Variants in CREBBP observed in about 807,000 individuals in gnomAD.
The protein encoded by CREBBP is CREB binding lysine acetyltransferase.
CREBBP carries 19 observed loss-of-function variants against 265.0 expected under a neutral mutation model. That is an observed-to-expected ratio of 0.07 (90% CI 0.05 to 0.11). CREBBP has a LOEUF of 0.11. Among genes scored for constraint, CREBBP ranks in the 10% least tolerant of loss-of-function variants. CREBBP has a pLI of 1.00. For synonymous variants in CREBBP, 1,457 were observed against 1,223.7 expected (o/e 1.19, Z -3.98); for missense variants, 2,525 against 3,219.0 (o/e 0.78, Z 5.22).
At chr16:3,758,412 A>T (rs2052636104) in intron 17 of CREBBP, among the ~76,000 whole-genome samples, 1 of 152,226 alleles carries the variant, frequency 6.6e-6, no homozygotes, top group South Asian at 2.1e-4. Context: ...TCTTGATCCT[A>T]GCAAGCAAAA....
chr16:3,810,541 A>G (rs2053917455), intron 3 of CREBBP, 62 bp downstream of exon 3: 1 of 1,587,732 alleles, frequency 6.3e-7, no homozygotes, highest in African/African-American at 1.3e-5. Context: ...GAGAATGGTA[A>G]AAATCCACAG....
Position 3,766,024 on chromosome 16 carries a change from A to C in CREBBP, c.3250+1696T>G, listed in dbSNP as rs555185276. 3.9e-5 allele frequency among the ~76,000 whole-genome samples: 6 copies of C among 152,272 alleles called. No homozygotes were observed. In the South Asian group the frequency reaches 1.2e-3, roughly 32 times the overall value. On this transcript the variant is annotated intron_variant, in intron 16 of 30. Coordinates refer to ENST00000262367, the MANE Select transcript of CREBBP (RefSeq NM_004380.3). Reference sequence around the variant, plus strand: ...CTAAGTTGGTAAGACTTGTTTGAAGAGACTGATGGTGGTATTAACAAATGT... The same window carrying C: ...CTAAGTTGGTAAGACTTGTTTGAAGCGACTGATGGTGGTATTAACAAATGT...
intron 2 of CREBBP, among the ~76,000 whole-genome samples, chr16:3,847,579 G>A (rs891823438): frequency 5.3e-5 from 8 of 152,174 alleles, no homozygotes; most frequent in Admixed American, 4.6e-4. Context: ...TCCCCAGCAC[G>A]CTAACGAGGC....
chr16:3,830,905 C>T (rs1003632400), intron 2 of CREBBP, among the ~76,000 whole-genome samples: 1 of 152,130 alleles, frequency 6.6e-6, no homozygotes, highest in African/African-American at 2.4e-5. Context: ...TCTCAGCCCC[C>T]TCAAGCAGCT....
Position 3,731,408 on chromosome 16 carries a change from G to A in CREBBP, c.4956C>T (p.Pro1652=), listed in dbSNP as rs139365408. The change falls in exon 30 of 31, where the codon CCC becomes CCT. Residue 1652 remains proline, a synonymous_variant. Coordinates refer to ENST00000262367, the MANE Select transcript of CREBBP (RefSeq NM_004380.3). The surrounding 1 kb of genome is among the most constrained non-coding windows in gnomAD (Gnocchi z 7.7). ...TGAGGTCACAGCTGAGCAGGGGGTC[G>A]GGGTCGACGATGGGGGGCAGGGTGT... The part of the protein sequence containing the change: ...VINTLPPIVD[P]DPLLSCDLMD... 6.6e-5 allele frequency: 106 copies of A among 1,607,574 alleles called. No individual in the cohort carries two copies. The highest frequency in any genetic ancestry group is 3.0e-4 in the South Asian group (27 of 89,946).
chr16:3,769,383 G>C (rs2141193218), intron 14 of CREBBP, 30 bp from the exon 15 acceptor site: 3 of 1,613,424 alleles, frequency 1.9e-6, no homozygotes, highest in South Asian at 2.2e-5. Flanking sequence ...ACTGACTTCA[G>C]TAAGCAAGGT....
Position 3,770,989 on chromosome 16 carries a change from A to G in CREBBP, c.2464-3T>C. 1 of 1,613,320 alleles carries G rather than the reference A, an allele frequency of 6.2e-7. No individual in the cohort carries two copies. Among genetic ancestry groups the G allele is most frequent in the Non-Finnish European group, 8.5e-7 (1 of 1,179,876 alleles). Reference sequence around the variant, plus strand: ...AGAGCAGCACCAGGCACCTGTCCCTACCAGAAATGGACAGAGTATGGTAAA... The same window carrying G: ...AGAGCAGCACCAGGCACCTGTCCCTGCCAGAAATGGACAGAGTATGGTAAA... On this transcript the variant is annotated splice_polypyrimidine_tract_variant and splice_region_variant and intron_variant, in intron 13 of 30. Transcript: ENST00000262367.
chr16:3,738,399 G>A (rs1390667582), intron 26 of CREBBP, among the ~76,000 whole-genome samples, 160 bp downstream of exon 26: 2 of 150,440 alleles, frequency 1.3e-5, no homozygotes, highest in African/African-American at 2.4e-5. Flanking sequence ...TGTGAGGCTC[G>A]GGGAGCACCT....
intron 2 of CREBBP, among the ~76,000 whole-genome samples, chr16:3,844,840 A>G (rs912085459): frequency 6.6e-6 from 1 of 152,206 alleles, no homozygotes; most frequent in Non-Finnish European, 1.5e-5. Context: ...CATCACCAAC[A>G]GCAACAAAAA....
intron 3 of CREBBP, among the ~76,000 whole-genome samples, chr16:3,803,373 C>T (rs1385153455): frequency 6.9e-6 from 1 of 145,106 alleles, no homozygotes; most frequent in Non-Finnish European, 1.5e-5. Flanking sequence ...GGTGCGGTGG[C>T]GGGCGCCTGT....
At chr16:3,756,152 TGA>T (rs1253333663) in intron 19 of CREBBP, among the ~76,000 whole-genome samples, 2 of 152,170 alleles carry the variant, frequency 1.3e-5, no homozygotes, top group East Asian at 3.8e-4. Flanking sequence ...TCTGACCAAA[TGA>T]GAGTAAAATA....
At chr16:3,782,365 G>C (rs1373186942) in intron 6 of CREBBP, among the ~76,000 whole-genome samples, 6 of 152,210 alleles carry the variant, frequency 3.9e-5, no homozygotes, top group African/African-American at 9.6e-5. Context: ...ACAACAGTCA[G>C]CATGAGGCGT....
intron 2 of CREBBP, among the ~76,000 whole-genome samples, chr16:3,834,158 T>C (rs192705731): frequency 2.0e-5 from 3 of 152,230 alleles, no homozygotes; most frequent in African/African-American, 7.2e-5. Context: ...CTCTCATTCA[T>C]CACTGGTGGG....
intron 16 of CREBBP, chr16:3,767,503 G>A (rs941341383): frequency 2.5e-5 from 16 of 634,860 alleles, no homozygotes; most frequent in Non-Finnish European, 3.0e-5. Flanking sequence ...CGGAGCAGCA[G>A]CTCATCTCTC....
intron 5 of CREBBP, 79 bp downstream of exon 5, chr16:3,791,902 C>T: frequency 8.0e-7 from 1 of 1,253,170 alleles, no homozygotes; most frequent in Admixed American, 1.7e-5. Flanking sequence ...CCTGCCCACT[C>T]CCTACCTACT....
intron 26 of CREBBP, among the ~76,000 whole-genome samples, chr16:3,738,246 A>G (rs2052118187): frequency 6.6e-6 from 1 of 151,962 alleles, no homozygotes. Context: ...TAAAGTTACT[A>G]AAAACCACTG....
At chr16:3,809,955 G>C (rs952413785) in intron 3 of CREBBP, among the ~76,000 whole-genome samples, 2 of 151,940 alleles carry the variant, frequency 1.3e-5, no homozygotes, top group African/African-American at 4.8e-5. Flanking sequence ...GTGAACAAGA[G>C]AGGCTGGACA....
At chr16:3,752,039 A>C (rs911681123) in intron 19 of CREBBP, among the ~76,000 whole-genome samples, 2 of 152,144 alleles carry the variant, frequency 1.3e-5, no homozygotes, top group African/African-American at 4.8e-5. Flanking sequence ...AGACGCAGAC[A>C]CCAAGACAAC....
chr16:3,780,021 C>T (rs1212883976), intron 8 of CREBBP, among the ~76,000 whole-genome samples: 3 of 151,996 alleles, frequency 2.0e-5, no homozygotes, highest in African/African-American at 7.3e-5. Context: ...GTGGACGGAT[C>T]ACTTGAGGTC....
Sources: allele counts gnomAD v4.1 joint callset (sites outside exome capture counted in the v4.1 genomes callset), GRCh38; gene constraint gnomAD v4.1.1; non-coding constraint Gnocchi (gnomAD v3.1); transcripts MANE v1.5; gene names NCBI Gene and HGNC (gene_info 2026-07-23, HGNC 2026-07-21).